Variants in ARHGEF28 observed in about 807,000 individuals in gnomAD.
The protein encoded by ARHGEF28 is 190 kDa guanine nucleotide exchange factor.
ARHGEF28 carries 152 observed loss-of-function variants against 206.6 expected under a neutral mutation model. The observed-to-expected ratio is 0.74, with a 90% CI of 0.64 to 0.84. The LOEUF is 0.84. Ranked by LOEUF, ARHGEF28 falls within the 40% of genes least tolerant of loss-of-function variation. ARHGEF28 has a pLI of 0.00. For missense variants in ARHGEF28, 2,028 were observed against 2,073.2 expected, an observed-to-expected ratio of 0.98 and a Z score of 0.42; for synonymous variants, 763 against 776.4, an observed-to-expected ratio of 0.98 and a Z score of 0.29.
chr5:73,841,676 A>C (rs1303747146), intron 11 of ARHGEF28, among the ~76,000 whole-genome samples: 1 of 151,136 alleles, frequency 6.6e-6, no homozygotes, highest in Admixed American at 6.6e-5. Flanking sequence ...CTGAACTCCA[A>C]CCTGGGTGAC....
rs753100535 is a variant in ARHGEF28 at position 73,776,593 on chromosome 5, C to T, written c.737C>T (p.Ser246Leu). 9.3e-6 allele frequency: 15 copies of T among 1,613,958 alleles called. No individual in the cohort carries two copies. The South Asian group carries it at 9.9e-5, about 11-fold the overall frequency. The change falls in exon 6 of 36, where the codon TCG becomes TTG. Residue 246 changes from serine to leucine, a missense_variant. Around this residue, in one of 3 missense-constraint regions of ARHGEF28, gnomAD observed 1,002 missense variants for 1,015.3 expected, o/e 0.99. Transcript: ENST00000513042. ...GCCTCCTTGCATTACATTCACTCATCGGAAACGCTGACCCTGACCCTGAAC... is the reference window on the plus strand; with the variant it reads ...GCCTCCTTGCATTACATTCACTCATTGGAAACGCTGACCCTGACCCTGAAC... Reference protein sequence around the residue: ...EEASLHYIHSSETLTLTLNHT... With the variant: ...EEASLHYIHSLETLTLTLNHT...
chr5:73,816,138 C>T (rs1473698159), intron 9 of ARHGEF28, among the ~76,000 whole-genome samples: 1 of 152,054 alleles, frequency 6.6e-6, no homozygotes, highest in East Asian at 1.9e-4. Flanking sequence ...AGGCACTGTT[C>T]TTGAGGGTAT....
At chr5:73,671,200 G>A (rs1014851634) in intron 1 of ARHGEF28, among the ~76,000 whole-genome samples, 31 of 152,148 alleles carry the variant, frequency 2.0e-4, no homozygotes, top group Admixed American at 5.9e-4. Context: ...ACTCTAGGGA[G>A]AGTTACCCTC....
At chr5:73,786,847 G>A (rs546102492) in intron 7 of ARHGEF28, among the ~76,000 whole-genome samples, 2 of 152,334 alleles carry the variant, frequency 1.3e-5, no homozygotes, top group Admixed American at 6.5e-5. Flanking sequence ...CAATGGTAAA[G>A]ATACGTGTTT....
intron 9 of ARHGEF28, among the ~76,000 whole-genome samples, chr5:73,829,406 A>T (rs1467691415): frequency 6.6e-6 from 1 of 151,734 alleles, no homozygotes; most frequent in Admixed American, 6.6e-5. Flanking sequence ...TTTGAGATGG[A>T]ATCTCACTCT....
intron 35 of ARHGEF28, chr5:73,923,284 TA>T (rs3833638): frequency 3.3e-4 from 271 of 831,012 alleles, no homozygotes; most frequent in East Asian, 1.4e-3. Flanking sequence ...TAAAGCATGG[TA>T]AAAAAAAATC....
Position 73,941,350 on chromosome 5 carries a change from G to T in ARHGEF28, c.*337G>T. On this transcript the variant is annotated 3_prime_UTR_variant, in exon 36 of 36. Coordinates refer to ENST00000513042, the MANE Select transcript of ARHGEF28 (RefSeq NM_001177693.2). ...ATCTGGATTTCAAGATTCCTTTTAA[G>T]ATCTCAATGAAGCAATTTGGATTTA... The T allele has an allele frequency of 6.2e-6, 1 of 160,186 alleles. No homozygotes were observed. The highest frequency in any genetic ancestry group is 1.4e-5 in the Non-Finnish European group (1 of 73,134). The allele number at this position is 160,186 out of a possible 1,614,324, so 9.9% of individuals were successfully genotyped here. A position where few individuals can be genotyped will look rare whatever the true frequency, so the allele number is the denominator to read the frequency against.
chr5:73,688,408 C>A (rs958099948), intron 2 of ARHGEF28, among the ~76,000 whole-genome samples: 2 of 152,166 alleles, frequency 1.3e-5, no homozygotes, highest in Admixed American at 1.3e-4. Context: ...TCTTCTTTGT[C>A]TCTATTTGTC....
chr5:73,848,892 C>T lies in ARHGEF28; in HGVS notation c.1636-84C>T. On this transcript the variant is annotated intron_variant, in intron 12 of 35. Transcript: ENST00000513042. ...CAGGTTGAATCTCTTTTCAAAGGTG[C>T]AAATTTAGTAACATTTGAGGTGGTG... The T allele has an allele frequency of 4.0e-6, 4 of 994,456 alleles. No individual in the cohort carries two copies. In the South Asian group the frequency reaches 4.5e-5, roughly 11 times the overall value. The allele number at this position is 994,456 out of a possible 1,614,324, so 61.6% of individuals were successfully genotyped here. A position where few individuals can be genotyped will look rare whatever the true frequency, so the allele number is the denominator to read the frequency against.
chr5:73,866,845 A>G (rs1759737384), intron 18 of ARHGEF28, among the ~76,000 whole-genome samples: 1 of 152,152 alleles, frequency 6.6e-6, no homozygotes, highest in Non-Finnish European at 1.5e-5. Context: ...ATGTGGCAGG[A>G]ATTTTAAGTG....
intron 35 of ARHGEF28, among the ~76,000 whole-genome samples, chr5:73,925,053 C>A (rs1280667283): frequency 6.6e-6 from 1 of 152,186 alleles, no homozygotes; most frequent in Non-Finnish European, 1.5e-5. Flanking sequence ...AAATCTAACA[C>A]AACAAATTTC....
At chr5:73,764,534 T>TGA (rs1369963677) in intron 4 of ARHGEF28, among the ~76,000 whole-genome samples, 1 of 152,218 alleles carries the variant, frequency 6.6e-6, no homozygotes, top group African/African-American at 2.4e-5. Context: ...AATGTGTGTG[T>TGA]GATGGGTGTT....
In ARHGEF28 at chr5:73,894,697, C is replaced by T. The variant is rs566282530; in HGVS notation, c.3841+122C>T. On this transcript the variant is annotated intron_variant, in intron 29 of 35. Transcript: ENST00000513042. ...ACAGCAGAACAAGACAAGGTCCTTA[C>T]TCGGCTGGAACTTATATTTCTAGAA... is the stretch of plus-strand genomic sequence containing the variant. The T allele has an allele frequency of 4.3e-5, 51 of 1,190,536 alleles. No homozygotes were observed. The African/African-American group carries it at 6.2e-4, about 14-fold the overall frequency. The allele number at this position is 1,190,536 out of a possible 1,614,324, so 73.7% of individuals were successfully genotyped here.
In ARHGEF28 at chr5:73,911,261, G is replaced by A; in HGVS notation, c.4648-14G>A. ...AGAAAAATTATTGTACTTTTCCTCT[G>A]TTTCTTTACACAGGTAATGGAACTT... On this transcript the variant is annotated splice_polypyrimidine_tract_variant and intron_variant, in intron 34 of 35. Coordinates refer to ENST00000513042, the MANE Select transcript of ARHGEF28 (RefSeq NM_001177693.2). 1 of 1,558,414 alleles carries A rather than the reference G, an allele frequency of 6.4e-7. No individual in the cohort carries two copies.
At position 73,869,928 on chromosome 5, in the gene ARHGEF28, C is replaced by G. The variant is rs538211280; in HGVS notation, c.2426-141C>G. 40 of 979,378 alleles carry G rather than the reference C, an allele frequency of 4.1e-5. No homozygotes were observed. In the South Asian group the frequency reaches 6.8e-4, roughly 17 times the overall value. The allele number at this position is 979,378 out of a possible 1,614,324, so 60.7% of individuals were successfully genotyped here. A position where few individuals can be genotyped will look rare whatever the true frequency, so the allele number is the denominator to read the frequency against. ...CTCAAAAAAAAACAGATGTTTCACT[C>G]CATGTTAATATGTTTTGGTTTAGTA... On this transcript the variant is annotated intron_variant, in intron 20 of 35. Coordinates refer to ENST00000513042, the MANE Select transcript of ARHGEF28 (RefSeq NM_001177693.2).
At chr5:73,887,772 C>A in intron 26 of ARHGEF28, 93 bp downstream of exon 26, 2 of 1,058,278 alleles carry the variant, frequency 1.9e-6, no homozygotes, top group South Asian at 3.4e-5. Context: ...ATATAATAGT[C>A]ACAGGGAAGT....
chr5:73,831,841 G>A (rs556438800), intron 9 of ARHGEF28, among the ~76,000 whole-genome samples: 5 of 152,204 alleles, frequency 3.3e-5, no homozygotes, highest in Admixed American at 2.0e-4. Context: ...ACAGGCATGC[G>A]CCGCCATGCC....
intron 5 of ARHGEF28, among the ~76,000 whole-genome samples, chr5:73,775,067 A>G (rs1580601299): frequency 6.6e-6 from 1 of 152,170 alleles, no homozygotes; most frequent in South Asian, 2.1e-4. Context: ...GGGCAAGCCT[A>G]TCTGGAGGGA....
intron 9 of ARHGEF28, chr5:73,813,529 C>T (rs1755974655): frequency 3.3e-6 from 5 of 1,529,424 alleles, no homozygotes; most frequent in South Asian, 2.4e-5. Context: ...TGGCTGGGGA[C>T]GCCCCGAGTT....
Sources: allele counts gnomAD v4.1 joint callset (sites outside exome capture counted in the v4.1 genomes callset), GRCh38; gene constraint gnomAD v4.1.1; regional missense constraint gnomAD v4.1.1; transcripts MANE v1.5; gene names NCBI Gene and HGNC (gene_info 2026-07-23, HGNC 2026-07-21).